Variants in RIT2 observed in about 807,000 individuals in gnomAD.
RIT2 encodes GTP-binding protein Rit2.
In RIT2, 24 loss-of-function variants were observed where a neutral mutation model predicts 23.7. That is an observed-to-expected ratio of 1.01 (90% CI 0.73 to 1.43). RIT2 has a LOEUF of 1.43. Among genes scored for constraint, RIT2 ranks in the 40% most tolerant of loss-of-function variants. The probability of loss-of-function intolerance (pLI) is 0.00; values close to 1 mark genes in which losing one functional copy is unlikely to be tolerated. For missense variants in RIT2, 236 were observed against 266.9 expected (o/e 0.88, Z 0.81); for synonymous variants, 107 against 91.1 (o/e 1.17, Z -0.99).
intron 2 of RIT2, among the ~76,000 whole-genome samples, chr18:42,981,412 C>T (rs75796445): frequency 4.7e-4 from 71 of 152,136 alleles, no homozygotes; most frequent in African/African-American, 1.6e-3. Flanking sequence ...TCTGATGGAC[C>T]CTCGGAGAGG....
At chr18:42,790,907 C>G (rs959518363) in intron 4 of RIT2, among the ~76,000 whole-genome samples, 2 of 152,150 alleles carry the variant, frequency 1.3e-5, no homozygotes, top group African/African-American at 4.8e-5. Context: ...CTCAACCTTC[C>G]CAGTGATAGC....
intron 3 of RIT2, among the ~76,000 whole-genome samples, chr18:42,934,732 T>C (rs368548647): frequency 1.6e-4 from 25 of 152,354 alleles, no homozygotes; most frequent in African/African-American, 6.0e-4. Flanking sequence ...TTTTAAAATG[T>C]ATTTTGGTGC....
In RIT2 at chr18:42,804,389, A is replaced by G. The variant is rs978208682; in HGVS notation, c.427-60669T>C. Among the ~76,000 whole-genome samples the G allele has an allele frequency of 2.5e-4, 38 of 151,900 alleles. 1 individual carries two copies. The highest frequency in any genetic ancestry group is 2.5e-4 in the Non-Finnish European group (17 of 67,978). On this transcript the variant is annotated intron_variant, in intron 4 of 4. Transcript: ENST00000326695. ...ACCAACATGGTGAAACCCCGTCTCT[A>G]CTAAAAATACAAAAAATGAGCTAGG...
chr18:43,105,182 T>C (rs765225947), intron 1 of RIT2, among the ~76,000 whole-genome samples: 2 of 151,426 alleles, frequency 1.3e-5, no homozygotes, highest in Non-Finnish European at 2.9e-5. Flanking sequence ...TTAGGATGAA[T>C]AAAGGGATTG....
chr18:43,026,119 G>T (rs1911711257), intron 2 of RIT2, among the ~76,000 whole-genome samples: 4 of 152,054 alleles, frequency 2.6e-5, no homozygotes, highest in African/African-American at 4.8e-5. Flanking sequence ...AGTAGAGGTA[G>T]TGAGAATAGA....
At chr18:42,887,100 A>G (rs73471679) in intron 4 of RIT2, among the ~76,000 whole-genome samples, 20,041 of 152,164 alleles carry the variant, frequency 0.13, 1,348 homozygotes, top group Middle Eastern at 0.26. Context: ...TCATTTTGAA[A>G]TGTGACTTTG....
chr18:42,914,421 T>G (rs954100376), intron 4 of RIT2, among the ~76,000 whole-genome samples: 15 of 152,132 alleles, frequency 9.9e-5, no homozygotes, highest in African/African-American at 3.6e-4. Flanking sequence ...AATAAACAAA[T>G]TGTGATATAT....
At chr18:42,930,392 A>G (rs371903667) in intron 3 of RIT2, among the ~76,000 whole-genome samples, 3 of 152,186 alleles carry the variant, frequency 2.0e-5, no homozygotes, top group South Asian at 2.1e-4. Flanking sequence ...ATGAAGAGAA[A>G]AGAATTATGA....
chr18:42,827,207 T>C (rs1906321111), intron 4 of RIT2, among the ~76,000 whole-genome samples: 1 of 152,196 alleles, frequency 6.6e-6, no homozygotes, highest in Non-Finnish European at 1.5e-5. Flanking sequence ...TAAGACTGTG[T>C]TATATTTTAG....
At chr18:42,833,967 A>G (rs1906530001) in intron 4 of RIT2, among the ~76,000 whole-genome samples, 1 of 152,174 alleles carries the variant, frequency 6.6e-6, no homozygotes, top group African/African-American at 2.4e-5. Flanking sequence ...TTTGCTAGGT[A>G]TGGTGCTATT....
Position 42,777,796 on chromosome 18 carries a change from A to G in RIT2, c.427-34076T>C, listed in dbSNP as rs756235857. 6.8e-4 allele frequency among the ~76,000 whole-genome samples: 104 copies of G among 152,344 alleles called. 2 individuals carry two copies. In the Middle Eastern group the frequency reaches 0.027, roughly 40 times the overall value. On this transcript the variant is annotated intron_variant, in intron 4 of 4. Transcript: ENST00000326695. ...AGGCTAGTTGTTTTCTCCTAAAAGC[A>G]TATGTTTAACTTAAATAGCTAGTAT...
At chr18:42,802,560 T>TA (rs1905569580) in intron 4 of RIT2, among the ~76,000 whole-genome samples, 1 of 152,114 alleles carries the variant, frequency 6.6e-6, no homozygotes, top group African/African-American at 2.4e-5. Context: ...ATTGACAAGA[T>TA]AAAAAATGAA....
intron 1 of RIT2, among the ~76,000 whole-genome samples, chr18:43,081,069 G>A (rs1322900737): frequency 6.6e-6 from 1 of 152,068 alleles, no homozygotes; most frequent in African/African-American, 2.4e-5. Flanking sequence ...GAGTTTTGGT[G>A]ACAAATGAAA....
intron 2 of RIT2, among the ~76,000 whole-genome samples, chr18:42,999,440 G>C (rs1006120370): frequency 6.6e-6 from 1 of 152,026 alleles, no homozygotes; most frequent in Non-Finnish European, 1.5e-5. Context: ...CTGCCTATGA[G>C]AAAAGGGGAA....
At chr18:42,837,476 A>ATTT (rs1906648513) in intron 4 of RIT2, among the ~76,000 whole-genome samples, 2 of 150,524 alleles carry the variant, frequency 1.3e-5, no homozygotes, top group African/African-American at 4.9e-5. Context: ...CTCTTTTTTA[A>ATTT]AAAAAAAAAT....
chr18:42,793,857 G>A (rs151182842), intron 4 of RIT2, among the ~76,000 whole-genome samples: 1 of 152,256 alleles, frequency 6.6e-6, no homozygotes, highest in Non-Finnish European at 1.5e-5. Context: ...TTACTTGATA[G>A]AGGAAGATGG....
At chr18:43,094,030 A>G (rs1568080447) in intron 1 of RIT2, among the ~76,000 whole-genome samples, 1 of 151,882 alleles carries the variant, frequency 6.6e-6, no homozygotes, top group Non-Finnish European at 1.5e-5. Flanking sequence ...TCAATAATCT[A>G]GAAAAATTAC....
At chr18:42,953,372 T>G (rs578254956) in intron 3 of RIT2, among the ~76,000 whole-genome samples, 9 of 152,124 alleles carry the variant, frequency 5.9e-5, no homozygotes, top group Non-Finnish European at 1.3e-4. Context: ...GAAAGATACT[T>G]GATGGAAAAA....
At chr18:42,951,578 TA>T (rs1289409142) in intron 3 of RIT2, among the ~76,000 whole-genome samples, 1 of 146,432 alleles carries the variant, frequency 6.8e-6, no homozygotes. Context: ...GAATCTAAAA[TA>T]AAAGTTAAAA....
Sources: gnomAD v4.1 joint callset for allele counts (sites outside exome capture counted in the v4.1 genomes callset) on GRCh38, gnomAD v4.1.1 for gene constraint, MANE v1.5 for transcripts, NCBI Gene and HGNC (gene_info 2026-07-23, HGNC 2026-07-21) for gene names.